Variants in ARB2A observed in about 807,000 individuals in gnomAD.
The protein encoded by ARB2A is cotranscriptional regulator ARB2A.
At chr5:94,000,477 G>A in the ARB2A span, among the ~76,000 whole-genome samples, 5 of 151,988 alleles carry the variant, frequency 3.3e-5, no homozygotes, top group Admixed American at 6.6e-5. Context: ...TGAGGTGTCT[G>A]TTGACATCTT....
chr5:93,768,227 A>T, the ARB2A span, among the ~76,000 whole-genome samples: 1 of 151,366 alleles, frequency 6.6e-6, no homozygotes, highest in Admixed American at 6.6e-5. Flanking sequence ...AAGGGATAAA[A>T]TACTACAAAT....
At chr5:94,008,924 A>AT in the ARB2A span, among the ~76,000 whole-genome samples, 1 of 152,132 alleles carries the variant, frequency 6.6e-6, no homozygotes, top group Non-Finnish European at 1.5e-5. Flanking sequence ...TATATAATTC[A>AT]TTTCTTGGCA....
chr5:94,021,803 G>A, the ARB2A span, among the ~76,000 whole-genome samples: 1 of 152,194 alleles, frequency 6.6e-6, no homozygotes, highest in African/African-American at 2.4e-5. Context: ...CAGGCGCAGT[G>A]GCTCATGCCT....
chr5:93,887,913 T>C, the ARB2A span, among the ~76,000 whole-genome samples: 1 of 151,866 alleles, frequency 6.6e-6, no homozygotes, highest in Admixed American at 6.6e-5. Flanking sequence ...TGGAAGAAGA[T>C]ATAATTAAAA....
the ARB2A span, among the ~76,000 whole-genome samples, chr5:93,831,032 C>T: frequency 6.6e-6 from 1 of 152,030 alleles, no homozygotes; most frequent in Non-Finnish European, 1.5e-5. Flanking sequence ...AGGGTTCATG[C>T]TTTTATAAGA....
At chr5:93,649,763 GA>G in the ARB2A span, among the ~76,000 whole-genome samples, 1 of 152,258 alleles carries the variant, frequency 6.6e-6, no homozygotes, top group Non-Finnish European at 1.5e-5. Context: ...GAGGCTTGAT[GA>G]ATACCTCAGG....
the ARB2A span, among the ~76,000 whole-genome samples, chr5:93,845,869 G>A: frequency 1.3e-5 from 2 of 152,156 alleles, no homozygotes; most frequent in Admixed American, 6.5e-5. Context: ...ATTGCTATCT[G>A]AATCTAAAGC....
At chr5:94,059,509 T>C in the ARB2A span, among the ~76,000 whole-genome samples, 1 of 146,378 alleles carries the variant, frequency 6.8e-6, no homozygotes. Flanking sequence ...TAATCCCAGG[T>C]ACTTGGGAGG....
the ARB2A span, among the ~76,000 whole-genome samples, chr5:93,752,726 T>A: frequency 6.6e-6 from 1 of 152,194 alleles, no homozygotes; most frequent in Non-Finnish European, 1.5e-5. Context: ...GAAGATTTTA[T>A]ATTTAGATAA....
chr5:93,821,652 A>G, the ARB2A span, among the ~76,000 whole-genome samples: 1 of 152,090 alleles, frequency 6.6e-6, no homozygotes, highest in Non-Finnish European at 1.5e-5. Flanking sequence ...AGGCAAAAGC[A>G]AAGGATCTAA....
At chr5:93,652,675 G>A in the ARB2A span, among the ~76,000 whole-genome samples, 1 of 152,108 alleles carries the variant, frequency 6.6e-6, no homozygotes, top group Non-Finnish European at 1.5e-5. Context: ...TGGAACTCTG[G>A]CTTTGTAGGA....
the ARB2A span, among the ~76,000 whole-genome samples, chr5:93,680,121 A>T: frequency 6.6e-6 from 1 of 152,132 alleles, no homozygotes; most frequent in Non-Finnish European, 1.5e-5. Context: ...ATACACATCG[A>T]CACACTTTCA....
At chr5:93,627,195 C>A in the ARB2A span, among the ~76,000 whole-genome samples, 1 of 152,140 alleles carries the variant, frequency 6.6e-6, no homozygotes, top group Non-Finnish European at 1.5e-5. Context: ...CTATTTCTAC[C>A]ACATCTGCAG....
At chr5:93,767,346 C>T in the ARB2A span, among the ~76,000 whole-genome samples, 1 of 152,156 alleles carries the variant, frequency 6.6e-6, no homozygotes, top group African/African-American at 2.4e-5. Context: ...CACCTTACTC[C>T]TGCAAGAACG....
the ARB2A span, among the ~76,000 whole-genome samples, chr5:94,082,938 T>A: frequency 6.6e-6 from 1 of 152,204 alleles, no homozygotes; most frequent in Non-Finnish European, 1.5e-5. Flanking sequence ...GGTTATTTAC[T>A]TTATCCAGAA....
chr5:93,781,103 T>G, the ARB2A span, among the ~76,000 whole-genome samples: 1 of 152,182 alleles, frequency 6.6e-6, no homozygotes. Flanking sequence ...GGGCTTTTAG[T>G]GTAACTGTCA....
the ARB2A span, among the ~76,000 whole-genome samples, chr5:93,757,136 C>A: frequency 2.0e-5 from 3 of 151,898 alleles, no homozygotes; most frequent in Non-Finnish European, 4.4e-5. Flanking sequence ...ATTCAGAGCT[C>A]AAAGACAAGG....
the ARB2A span, among the ~76,000 whole-genome samples, chr5:93,782,681 C>T: frequency 1.3e-5 from 2 of 152,126 alleles, no homozygotes; most frequent in African/African-American, 4.8e-5. Flanking sequence ...TATTTCTTTA[C>T]ATACGTTATT....
the ARB2A span, among the ~76,000 whole-genome samples, chr5:93,974,518 C>CAAAAGCTATT: frequency 2.0e-5 from 3 of 152,028 alleles, no homozygotes; most frequent in Non-Finnish European, 4.4e-5. Context: ...TAACACCCCA[C>CAAAAGCTATT]AAAAGCTATT....
Sources: allele counts gnomAD v4.1 joint callset (sites outside exome capture counted in the v4.1 genomes callset), GRCh38; gene constraint gnomAD v4.1.1; transcripts MANE v1.5; gene names NCBI Gene and HGNC (gene_info 2026-07-23, HGNC 2026-07-21).